The following PPP2R3A variants were observed in gnomAD, a reference collection of about 807,000 sequenced individuals.
The protein encoded by PPP2R3A is protein phosphatase 2 regulatory subunit B''alpha.
PPP2R3A carries 80 observed loss-of-function variants against 106.9 expected under a neutral mutation model. That is an observed-to-expected ratio of 0.75 (90% CI 0.62 to 0.90). The LOEUF (loss-of-function observed/expected upper bound fraction) is 0.90. Among genes scored for constraint, PPP2R3A ranks in the 40% least tolerant of loss-of-function variants. The pLI is 0.00. For synonymous variants in PPP2R3A, 483 were observed against 468.3 expected (o/e 1.03, Z -0.41); for missense variants, 1,386 against 1,350.4 (o/e 1.03, Z -0.41).
chr3:136,129,351 C>G (rs1360485577), intron 13 of PPP2R3A, among the ~76,000 whole-genome samples: 1 of 152,142 alleles, frequency 6.6e-6, no homozygotes, highest in African/African-American at 2.4e-5. Context: ...ACCGATCCCA[C>G]AGAAATACAA....
chr3:136,130,204 T>C (rs1479193132), intron 13 of PPP2R3A, among the ~76,000 whole-genome samples: 1 of 152,110 alleles, frequency 6.6e-6, no homozygotes, highest in Admixed American at 6.6e-5. Flanking sequence ...GGTATTCAGA[T>C]AGGAAAAGAG....
At chr3:136,059,359 C>G (rs909632030) in intron 5 of PPP2R3A, among the ~76,000 whole-genome samples, 1 of 151,840 alleles carries the variant, frequency 6.6e-6, no homozygotes, top group Admixed American at 6.6e-5. Context: ...GTGCATGTGG[C>G]CAACGATCAT....
intron 1 of PPP2R3A, among the ~76,000 whole-genome samples, chr3:135,977,744 G>A (rs911449407): frequency 7.7e-6 from 1 of 129,478 alleles, no homozygotes; most frequent in African/African-American, 2.9e-5. Flanking sequence ...GTGTTGCCCA[G>A]GCTGGAGTAC....
At chr3:136,091,472 C>T (rs9653930) in intron 10 of PPP2R3A, among the ~76,000 whole-genome samples, 29,772 of 151,976 alleles carry the variant, frequency 0.2, 3,414 homozygotes, top group Non-Finnish European at 0.27. Context: ...TTTTAAATAG[C>T]TGGGAATGGT....
chr3:136,097,977 T>C (rs971937731), intron 10 of PPP2R3A, among the ~76,000 whole-genome samples: 1 of 152,236 alleles, frequency 6.6e-6, no homozygotes, highest in Admixed American at 6.5e-5. Context: ...GTAGATATGA[T>C]ATGACTGAAC....
intron 8 of PPP2R3A, among the ~76,000 whole-genome samples, chr3:136,082,983 C>G (rs1180266162): frequency 6.6e-6 from 1 of 152,236 alleles, no homozygotes; most frequent in East Asian, 1.9e-4. Context: ...TTTTTGCCAG[C>G]GGTAAATCTA....
intron 5 of PPP2R3A, among the ~76,000 whole-genome samples, chr3:136,066,463 A>G (rs1047887416): frequency 6.6e-6 from 1 of 152,216 alleles, no homozygotes; most frequent in Non-Finnish European, 1.5e-5. Context: ...TAGGATATTT[A>G]TTGTGTTAAG....
chr3:135,971,748 T>C (rs1270522240), intron 1 of PPP2R3A, among the ~76,000 whole-genome samples: 1 of 152,050 alleles, frequency 6.6e-6, no homozygotes. Context: ...TAAGAAAATA[T>C]CTTATTTAGA....
At position 136,069,568 on chromosome 3, in the gene PPP2R3A, ACT is replaced by A. The variant is rs998451840; in HGVS notation, c.2470-907_2470-906del. Among the ~76,000 whole-genome samples, 4 of 152,242 alleles carry A rather than the reference ACT, an allele frequency of 2.6e-5. No individual in the cohort carries two copies. The East Asian group carries it at 5.8e-4, about 22-fold the overall frequency. On this transcript the variant is annotated intron_variant, in intron 5 of 13. Transcript: ENST00000264977. Reference sequence around the variant, plus strand: ...ACTCCAGCCTGGGAGGCGGAGCGAGACTCTGTCTCAAAAAATAAAAATTATGT... The same window carrying A: ...ACTCCAGCCTGGGAGGCGGAGCGAGACTGTCTCAAAAAATAAAAATTATGT...
At position 136,126,974 on chromosome 3, in the gene PPP2R3A, A is replaced by G. The variant is rs538665526; in HGVS notation, c.3330-18069A>G. Reference sequence around the variant, plus strand: ...ACAGAAAGGAATAGCATCAACATCAACAAAAAGGTCATCTACACCAAAACC... The same window carrying G: ...ACAGAAAGGAATAGCATCAACATCAGCAAAAAGGTCATCTACACCAAAACC... On this transcript the variant is annotated intron_variant, in intron 13 of 13. Transcript: ENST00000264977. Among the ~76,000 whole-genome samples the G allele has an allele frequency of 6.2e-3, 944 of 152,194 alleles. 13 individuals are homozygous for G. The highest frequency in any genetic ancestry group is 0.022 in the African/African-American group (895 of 41,494).
At chr3:136,122,232 G>C (rs1364187927) in intron 13 of PPP2R3A, among the ~76,000 whole-genome samples, 2 of 152,130 alleles carry the variant, frequency 1.3e-5, no homozygotes, top group African/African-American at 2.4e-5. Context: ...GAGGCGGAAG[G>C]ATCACTTGAG....
chr3:135,987,929 A>T (rs1932992455), intron 1 of PPP2R3A, among the ~76,000 whole-genome samples: 1 of 152,210 alleles, frequency 6.6e-6, no homozygotes, highest in African/African-American at 2.4e-5. Flanking sequence ...CCCATGGCTC[A>T]GCCTTTGGAT....
In PPP2R3A at chr3:136,106,252, G is replaced by A. The variant is rs1184174861; in HGVS notation, c.3259G>A (p.Asp1087Asn). 6.2e-7 allele frequency: 1 copy of A among 1,611,068 alleles called. No individual in the cohort carries two copies. The highest frequency in any genetic ancestry group is 1.3e-5 in the African/African-American group (1 of 74,678). The change falls in exon 13 of 14, where the codon GAC becomes AAC. Residue 1087 changes from aspartate to asparagine, a missense_variant. Asp to Asn is a conservative substitution (Grantham distance 23). Transcript: ENST00000264977. ...ENDGPEPSDW[D>N]RFAAEEYETL... The stretch of plus-strand genomic sequence containing the variant: ...CGATGGGCCTGAGCCCTCAGACTGG[G>A]ACCGGTTTGCCGCTGAGGAGTATGA...
intron 2 of PPP2R3A, among the ~76,000 whole-genome samples, chr3:136,011,050 A>ATTCC (rs1423836685): frequency 6.6e-6 from 1 of 151,978 alleles, no homozygotes; most frequent in Non-Finnish European, 1.5e-5. Flanking sequence ...AATATACCAG[A>ATTCC]CATATTCCCA....
At chr3:136,138,611 T>C (rs1938715071) in intron 13 of PPP2R3A, among the ~76,000 whole-genome samples, 1 of 151,782 alleles carries the variant, frequency 6.6e-6, no homozygotes, top group African/African-American at 2.4e-5. Flanking sequence ...GCTTAGGATA[T>C]CTATTTTTAA....
Position 136,146,668 on chromosome 3 carries a change from A to C in PPP2R3A, c.*1502A>C, listed in dbSNP as rs1939139279. 1 of 152,204 alleles carries C rather than the reference A, an allele frequency of 6.6e-6. No homozygotes were observed. The highest frequency in any genetic ancestry group is 1.5e-5 in the Non-Finnish European group (1 of 68,032). The allele number at this position is 152,204 out of a possible 1,614,324, so 9.4% of individuals were successfully genotyped here. On this transcript the variant is annotated 3_prime_UTR_variant, in exon 14 of 14. Coordinates refer to ENST00000264977, the MANE Select transcript of PPP2R3A (RefSeq NM_002718.5). ...CCATTTAACTATTACAGAAAGCAGT[A>C]ACTATTGCAACTATCTAATAGTTCA... is the stretch of plus-strand genomic sequence containing the variant.
chr3:136,049,455 A>G, intron 5 of PPP2R3A, 94 bp downstream of exon 5: 1 of 836,866 alleles, frequency 1.2e-6, no homozygotes, highest in East Asian at 2.5e-5. Flanking sequence ...ATTGAGCTAC[A>G]CAGATCTAGA....
At position 136,037,298 on chromosome 3, in the gene PPP2R3A, T is replaced by C. The variant is rs551873287; in HGVS notation, c.2263-3561T>C. On this transcript the variant is annotated intron_variant, in intron 3 of 13. Transcript: ENST00000264977. ...TACATCTGGTTAAATTCTCAGTGTG[T>C]AGTTTGTACGTTTTTCCACAGCTTT... Among the ~76,000 whole-genome samples, 81 of 152,356 alleles carry C rather than the reference T, an allele frequency of 5.3e-4. 1 individual carries two copies. The highest frequency in any genetic ancestry group is 1.4e-3 in the Admixed American group (21 of 15,308).
intron 3 of PPP2R3A, among the ~76,000 whole-genome samples, chr3:136,032,386 C>T (rs541615069): frequency 5.5e-4 from 84 of 151,956 alleles, no homozygotes; most frequent in Non-Finnish European, 4.6e-4. Context: ...ATTTTGTCTT[C>T]GAAAACTTTG....
Sources: allele counts gnomAD v4.1 joint callset (sites outside exome capture counted in the v4.1 genomes callset), GRCh38; gene constraint gnomAD v4.1.1; transcripts MANE v1.5; gene names NCBI Gene and HGNC (gene_info 2026-07-23, HGNC 2026-07-21).